PLCG2: variants seen among roughly 807,000 people sequenced by gnomAD.
The protein encoded by PLCG2 is phospholipase C gamma 2, also known as 1-phosphatidylinositol 4,5-bisphosphate phosphodiesterase gamma-2.
A neutral mutation model predicts 175.6 loss-of-function variants in PLCG2; 69 were observed. The observed-to-expected ratio is 0.39, with a 90% CI of 0.32 to 0.48. The LOEUF (loss-of-function observed/expected upper bound fraction) is 0.48. Ranked by LOEUF, PLCG2 falls within the 20% of genes least tolerant of loss-of-function variation. PLCG2 has a pLI of 0.91. For missense variants in PLCG2, 1,798 were observed against 1,650.9 expected (o/e 1.09, Z -1.54); for synonymous variants, 827 against 624.0 (o/e 1.33, Z -4.85).
chr16:81,858,432 AG>A (rs398119556), intron 4 of PLCG2, 76 bp downstream of exon 4: 57 of 971,312 alleles, frequency 5.9e-5, no homozygotes, highest in African/African-American at 2.3e-4. Flanking sequence ...CATGGGCTAC[AG>A]GGGGGAAAAA....
At chr16:81,783,893 T>G (rs540069827) in intron 1 of PLCG2, among the ~76,000 whole-genome samples, 200 of 152,320 alleles carry the variant, frequency 1.3e-3, no homozygotes, top group Admixed American at 2.4e-3. Flanking sequence ...AGCCAGTTCC[T>G]CCTGCTTCAT....
At chr16:81,792,512 GACAAA>G (rs1222277060) in intron 2 of PLCG2, among the ~76,000 whole-genome samples, 16 of 90,230 alleles carry the variant, frequency 1.8e-4, no homozygotes, top group African/African-American at 3.2e-4. Context: ...AAAAAAAAAA[GACAAA>G]ACAAAACAAA....
chr16:81,946,974 C>G (rs568100260), intron 31 of PLCG2, among the ~76,000 whole-genome samples: 247 of 152,284 alleles, frequency 1.6e-3, no homozygotes, highest in African/African-American at 5.6e-3. Flanking sequence ...GCATCTATTG[C>G]CCGGGGAAAG....
chr16:81,781,849 C>T (rs1597314918), intron 1 of PLCG2, among the ~76,000 whole-genome samples: 2 of 144,272 alleles, frequency 1.4e-5, no homozygotes, highest in East Asian at 2.1e-4. Flanking sequence ...GTCCTCGCAT[C>T]TCATTTCATG....
At chr16:81,890,573 A>G (rs1158934597) in intron 10 of PLCG2, among the ~76,000 whole-genome samples, 1 of 152,146 alleles carries the variant, frequency 6.6e-6, no homozygotes, top group Non-Finnish European at 1.5e-5. Context: ...GGAGAGTTGA[A>G]CCATTGCAAG....
chr16:81,943,061 A>C (rs1192559722), intron 30 of PLCG2, among the ~76,000 whole-genome samples: 2 of 152,212 alleles, frequency 1.3e-5, no homozygotes. Flanking sequence ...GCCTAGTGTC[A>C]GATAGTACTG....
chr16:81,835,664 T>C (rs1905475919), intron 2 of PLCG2, among the ~76,000 whole-genome samples: 2 of 152,178 alleles, frequency 1.3e-5, no homozygotes, highest in African/African-American at 2.4e-5. Context: ...ATTAGTGTCC[T>C]GTGGTTGCCA....
intron 2 of PLCG2, among the ~76,000 whole-genome samples, chr16:81,834,968 A>G (rs1371397102): frequency 1.3e-5 from 2 of 152,124 alleles, no homozygotes; most frequent in Admixed American, 1.3e-4. Flanking sequence ...TCTCTGGAGA[A>G]CAGACCCTGT....
intron 8 of PLCG2, 72 bp downstream of exon 8, chr16:81,881,025 A>G (rs1405600360): frequency 1.4e-6 from 2 of 1,464,674 alleles, no homozygotes; most frequent in African/African-American, 2.8e-5. Flanking sequence ...GCCGGCCTCC[A>G]GGAGGGGATG....
intron 2 of PLCG2, among the ~76,000 whole-genome samples, chr16:81,773,495 A>G (rs919162751): frequency 6.6e-6 from 1 of 152,108 alleles, no homozygotes; most frequent in Non-Finnish European, 1.5e-5. Flanking sequence ...TGGGATTCAC[A>G]CTGAGGCCCA....
chr16:81,836,577 A>G (rs1384234007), intron 2 of PLCG2, among the ~76,000 whole-genome samples: 2 of 152,142 alleles, frequency 1.3e-5, no homozygotes, highest in Non-Finnish European at 2.9e-5. Flanking sequence ...GCCATCTCCA[A>G]CAAAAATACA....
rs188817561 is a variant in PLCG2, at chr16:81,746,167, T to C, written c.-145+6782T>C. Among the ~76,000 whole-genome samples the C allele has an allele frequency of 5.9e-4, 90 of 152,288 alleles. 1 individual carries two copies. The East Asian group carries it at 0.015, about 25-fold the overall frequency. ...ACCAGCCCATGGGTGCTCAGGGCAC[T>C]GTGGCACAAACAAGGCCGGCCTGCT... is the stretch of plus-strand genomic sequence containing the variant. On this transcript the variant is annotated intron_variant, in intron 1 of 5. Coordinates refer to the PLCG2 transcript ENST00000565054.
At chr16:81,760,543 A>T (rs1034325250) in intron 2 of PLCG2, among the ~76,000 whole-genome samples, 1 of 152,032 alleles carries the variant, frequency 6.6e-6, no homozygotes, top group African/African-American at 2.4e-5. Context: ...GTGTGGCCTT[A>T]TATGGGGAGG....
chr16:81,765,798 G>T (rs965467713), intron 2 of PLCG2, among the ~76,000 whole-genome samples: 1 of 152,196 alleles, frequency 6.6e-6, no homozygotes, highest in Non-Finnish European at 1.5e-5. Context: ...ATGGCTGGTT[G>T]ACAGCTAAGT....
At chr16:81,939,409 G>T (rs987737359) in intron 29 of PLCG2, among the ~76,000 whole-genome samples, 1 of 152,164 alleles carries the variant, frequency 6.6e-6, no homozygotes, top group African/African-American at 2.4e-5. Context: ...CCTTGCCCCT[G>T]GTAAAAAGTA....
intron 2 of PLCG2, among the ~76,000 whole-genome samples, chr16:81,853,815 C>T (rs913367081): frequency 6.6e-6 from 1 of 152,184 alleles, no homozygotes; most frequent in Non-Finnish European, 1.5e-5. Context: ...CAGTCCATTA[C>T]TCTGGACTGT....
At chr16:81,859,898 A>C (rs183894659) in intron 5 of PLCG2, among the ~76,000 whole-genome samples, 1 of 152,228 alleles carries the variant, frequency 6.6e-6, no homozygotes, top group Admixed American at 6.5e-5. Flanking sequence ...TATTCAGTTT[A>C]CTTGACTTTT....
At chr16:81,773,934 A>G (rs1219437186) in intron 2 of PLCG2, among the ~76,000 whole-genome samples, 1 of 152,112 alleles carries the variant, frequency 6.6e-6, no homozygotes, top group Non-Finnish European at 1.5e-5. Context: ...GGTTGCTGCT[A>G]TATCCCTGGA....
rs748100966 is a variant in PLCG2 at position 81,908,544 on chromosome 16, G to T, written c.1686G>T (p.Leu562=). The T allele has an allele frequency of 1.2e-6, 2 of 1,613,312 alleles. No individual in the cohort carries two copies. The highest frequency in any genetic ancestry group is 8.5e-7 in the Non-Finnish European group (1 of 1,179,958). Residue 562 remains leucine (L), a synonymous_variant, in exon 17 of 33, where the codon CTG becomes CTT. Transcript: ENST00000564138. ...METGGKDGTF[L]VRESETFPND... ...CGGGGGGCAAGGATGGCACCTTCCT[G>T]GTTCGGGAGAGCGAGACCTTCCCCA...
Sources: allele counts gnomAD v4.1 joint callset (sites outside exome capture counted in the v4.1 genomes callset), GRCh38; gene constraint gnomAD v4.1.1; transcripts MANE v1.5; gene names NCBI Gene and HGNC (gene_info 2026-07-23, HGNC 2026-07-21).